Variants in CDK7 observed in about 807,000 individuals in gnomAD.
CDK7 encodes the protein cyclin dependent kinase 7.
A neutral mutation model predicts 49.1 loss-of-function variants in CDK7; 25 were observed. The observed-to-expected ratio is 0.51, with a 90% confidence interval of 0.37 to 0.71. The LOEUF is 0.71. Among genes scored for constraint, CDK7 ranks in the 30% least tolerant of loss-of-function variants. The pLI, the probability that CDK7 is intolerant of heterozygous loss-of-function variation, is 0.00. For synonymous variants in CDK7, 107 were observed against 140.0 expected (o/e 0.76, Z 1.67); for missense variants, 316 against 411.7 (o/e 0.77, Z 2.01).
intron 3 of CDK7, among the ~76,000 whole-genome samples, chr5:69,253,652 T>C (rs1023813792): frequency 1.3e-5 from 2 of 152,350 alleles, no homozygotes; most frequent in African/African-American, 4.8e-5. Flanking sequence ...AATATGCCAC[T>C]AATATTTGTA....
At position 69,258,164 on chromosome 5, in the gene CDK7, T is replaced by C; in HGVS notation, c.408+11T>C. On this transcript the variant is annotated intron_variant, in intron 6 of 11. Transcript: ENST00000256443. ...TGGATCCTACATAGGGTAAGGTTTT[T>C]AATATTGCTTCTTTATACTAGTCAA... 1 of 1,267,900 alleles carries C rather than the reference T, an allele frequency of 7.9e-7. No individual in the cohort carries two copies. Among genetic ancestry groups the C allele is most frequent in the South Asian group, 1.3e-5 (1 of 75,580 alleles). 78.5% of individuals were successfully genotyped at this position (1,267,900 alleles called of 1,614,324 possible). A position where few individuals can be genotyped will look rare whatever the true frequency, so the allele number is the denominator to read the frequency against.
intron 11 of CDK7, 27 bp downstream of exon 11, chr5:69,276,717 T>C: frequency 6.3e-7 from 1 of 1,596,744 alleles, no homozygotes; most frequent in South Asian, 1.1e-5. Context: ...TAAAAGAAAT[T>C]AAATGAATTT....
intron 8 of CDK7, among the ~76,000 whole-genome samples, chr5:69,266,960 A>G (rs1014196191): frequency 3.3e-5 from 5 of 152,202 alleles, no homozygotes; most frequent in Non-Finnish European, 7.3e-5. Flanking sequence ...ATGATGGGTC[A>G]AAGAACCAAT....
In CDK7 at chr5:69,276,572, G is replaced by T. The variant is rs980188334; in HGVS notation, c.894G>T (p.Arg298=). The T allele has an allele frequency of 6.2e-7, 1 of 1,613,290 alleles. No individual in the cohort carries two copies. Among genetic ancestry groups the T allele is most frequent in the Non-Finnish European group, 8.5e-7 (1 of 1,179,966 alleles). The part of the protein sequence containing the change: ...QALKMKYFSN[R]PGPTPGCQLP... ...TGAAAATGAAGTATTTCAGTAATCG[G>T]CCAGGGCCAACACCTGGATGTCAGC... Residue 298 remains arginine (R), a synonymous_variant, in exon 11 of 12, where the codon CGG becomes CGT. Transcript: ENST00000256443.
At chr5:69,263,752 T>C (rs1010389177) in intron 8 of CDK7, among the ~76,000 whole-genome samples, 5 of 152,166 alleles carry the variant, frequency 3.3e-5, no homozygotes, top group Non-Finnish European at 7.3e-5. Context: ...AATCCATTCA[T>C]GGCCAAGAAG....
intron 8 of CDK7, among the ~76,000 whole-genome samples, chr5:69,262,673 AAAAAAAAAAAG>A (rs1479925485): frequency 2.0e-5 from 3 of 151,624 alleles, no homozygotes; most frequent in South Asian, 2.1e-4. Flanking sequence ...CATCTCAAAA[AAAAAAAAAAAG>A]AAAAAGAAAA....
At chr5:69,243,077 T>G (rs1298380432) in intron 2 of CDK7, among the ~76,000 whole-genome samples, 8 of 152,098 alleles carry the variant, frequency 5.3e-5, no homozygotes, top group African/African-American at 1.7e-4. Flanking sequence ...GTCAGCTATA[T>G]CACGTTTTAC....
intron 2 of CDK7, among the ~76,000 whole-genome samples, chr5:69,246,982 T>C (rs73125295): frequency 0.11 from 16,721 of 152,280 alleles, 1,091 homozygotes; most frequent in South Asian, 0.19. Context: ...GTTTCAGTTT[T>C]TTGGAATGTT....
At chr5:69,256,660 C>A (rs1047577511) in intron 5 of CDK7, among the ~76,000 whole-genome samples, 3 of 152,006 alleles carry the variant, frequency 2.0e-5, no homozygotes, top group African/African-American at 7.2e-5. Context: ...TAGATAAATA[C>A]CTAGCAGTGG....
At chr5:69,247,493 A>C (rs1236748508) in intron 2 of CDK7, among the ~76,000 whole-genome samples, 3 of 148,488 alleles carry the variant, frequency 2.0e-5, no homozygotes, top group Non-Finnish European at 4.4e-5. Flanking sequence ...TCTTGTAGGC[A>C]ACAGATCTTT....
chr5:69,235,127 G>A (rs1349870836), intron 1 of CDK7, 86 bp downstream of exon 1: 2 of 1,321,700 alleles, frequency 1.5e-6, no homozygotes, highest in Non-Finnish European at 2.1e-6. Context: ...GTGGAGGCCA[G>A]AGGTCTGGCT....
chr5:69,258,004 T>G, intron 5 of CDK7, 39 bp from the exon 6 acceptor site: 1 of 948,590 alleles, frequency 1.1e-6, no homozygotes, highest in Non-Finnish European at 1.7e-6. Context: ...TTATTTGAAA[T>G]AATAAAGGGT....
At position 69,259,907 on chromosome 5, in the gene CDK7, T is replaced by G; in HGVS notation, c.498T>G (p.Asn166Lys). ...FGLAKSFGSPNRAYTHQVVTR... is the reference protein window; with the variant it reads ...FGLAKSFGSPKRAYTHQVVTR... ...TGGCCAAATCTTTTGGGAGCCCCAATAGAGCTTATACACATCAGGTTGTAA... is the reference window on the plus strand; with the variant it reads ...TGGCCAAATCTTTTGGGAGCCCCAAGAGAGCTTATACACATCAGGTTGTAA... The change falls in exon 7 of 12, where the codon AAT (asparagine) becomes AAG (lysine). Residue 166 changes from asparagine to lysine, a missense_variant. Asn to Lys is a moderately conservative substitution (Grantham distance 94, BLOSUM62 0). Transcript: ENST00000256443. 1 of 1,612,230 alleles carries G rather than the reference T, an allele frequency of 6.2e-7. No individual in the cohort carries two copies. The highest frequency in any genetic ancestry group is 8.5e-7 in the Non-Finnish European group (1 of 1,178,226).
intron 2 of CDK7, 26 bp from the exon 3 acceptor site, chr5:69,252,392 T>C: frequency 5.0e-6 from 7 of 1,390,270 alleles, no homozygotes; most frequent in Non-Finnish European, 7.0e-6. Context: ...TTTTAATATA[T>C]TTGGGTTTTT....
At chr5:69,251,384 C>T (rs1020896889) in intron 2 of CDK7, among the ~76,000 whole-genome samples, 14 of 152,000 alleles carry the variant, frequency 9.2e-5, no homozygotes, top group African/African-American at 1.9e-4. Context: ...AGGCATGAGC[C>T]GCCGCACCCA....
chr5:69,263,821 G>C (rs910443533), intron 8 of CDK7, among the ~76,000 whole-genome samples: 2 of 152,212 alleles, frequency 1.3e-5, no homozygotes, highest in African/African-American at 4.8e-5. Flanking sequence ...GAAAGCAAAT[G>C]AAGAGAGACA....
intron 8 of CDK7, 32 bp from the exon 9 acceptor site, chr5:69,269,175 C>A: frequency 7.1e-7 from 1 of 1,399,412 alleles, no homozygotes; most frequent in Non-Finnish European, 9.9e-7. Flanking sequence ...AAAAAACCCA[C>A]CTTGAAAAGT....
chr5:69,269,437 T>C (rs1472782887), intron 9 of CDK7, 144 bp downstream of exon 9: 2 of 540,374 alleles, frequency 3.7e-6, no homozygotes, highest in East Asian at 6.4e-5. Context: ...TGATAAAGTA[T>C]ATAAAGTAAG....
chr5:69,265,220 G>T (rs1440608810), intron 8 of CDK7, among the ~76,000 whole-genome samples: 3 of 150,132 alleles, frequency 2.0e-5, no homozygotes, highest in Admixed American at 2.0e-4. Context: ...AGCCAAGATC[G>T]CACCACTGCA....
Sources: allele counts gnomAD v4.1 joint callset (sites outside exome capture counted in the v4.1 genomes callset), GRCh38; gene constraint gnomAD v4.1.1; transcripts MANE v1.5; gene names NCBI Gene and HGNC (gene_info 2026-07-23, HGNC 2026-07-21).